LPP: variants seen among roughly 807,000 people sequenced by gnomAD.
LPP encodes lipoma-preferred partner.
In LPP, 38 loss-of-function variants were observed where a neutral mutation model predicts 60.4. That is an observed-to-expected ratio of 0.63 (90% CI 0.49 to 0.83). LPP has a LOEUF of 0.83. Among genes scored for constraint, LPP ranks in the 40% least tolerant of loss-of-function variants. LPP has a pLI of 0.00. For synonymous variants in LPP, 328 were observed against 290.8 expected (o/e 1.13, Z -1.30); for missense variants, 902 against 783.6 (o/e 1.15, Z -1.80).
At chr3:188,482,808 G>GTTA (rs1233437214) in intron 4 of LPP, among the ~76,000 whole-genome samples, 5 of 152,092 alleles carry the variant, frequency 3.3e-5, no homozygotes, top group African/African-American at 4.8e-5. Context: ...TATGTTGTAA[G>GTTA]TTATTGAACA....
At chr3:188,782,119 A>G (rs568575383) in intron 9 of LPP, among the ~76,000 whole-genome samples, 2 of 152,280 alleles carry the variant, frequency 1.3e-5, no homozygotes, top group East Asian at 3.9e-4. Context: ...TTGAAAGAGT[A>G]TCATAGTTAT....
At chr3:188,822,945 T>A (rs2151471838) in intron 9 of LPP, among the ~76,000 whole-genome samples, 1 of 152,274 alleles carries the variant, frequency 6.6e-6, no homozygotes, top group South Asian at 2.1e-4. Context: ...CAGAAAACTG[T>A]AAACTTTTTA....
At chr3:188,221,240 C>A (rs1000557494) in intron 1 of LPP, among the ~76,000 whole-genome samples, 3 of 152,174 alleles carry the variant, frequency 2.0e-5, no homozygotes, top group Non-Finnish European at 4.4e-5. Context: ...CCTCCTCATC[C>A]GTGGAAATCC....
chr3:188,830,477 G>A (rs1253801190), intron 9 of LPP, among the ~76,000 whole-genome samples: 2 of 151,786 alleles, frequency 1.3e-5, no homozygotes, highest in East Asian at 1.9e-4. Context: ...GTGGTGGCAC[G>A]TGACTGTAGT....
chr3:188,243,104 A>G (rs1305698487), intron 2 of LPP, among the ~76,000 whole-genome samples: 4 of 152,218 alleles, frequency 2.6e-5, no homozygotes, highest in Non-Finnish European at 4.4e-5. Flanking sequence ...TGATCAAACT[A>G]TAATTAATAT....
In LPP at chr3:188,572,254, T is replaced by C. The variant is rs1340087406; in HGVS notation, c.430-36907T>C. Reference sequence around the variant, plus strand: ...TATGGATAATTTTAAGCCATTTATTTCAACAAACATGTAATATATATTCTA... The same window carrying C: ...TATGGATAATTTTAAGCCATTTATTCCAACAAACATGTAATATATATTCTA... On this transcript the variant is annotated intron_variant, in intron 6 of 11. Coordinates refer to ENST00000617246, the MANE Select transcript of LPP (RefSeq NM_001375462.1). This position sits in a 1 kb window ranked among gnomAD's most constrained non-coding sequence, Gnocchi z 4.1. Among the ~76,000 whole-genome samples the C allele has an allele frequency of 7.2e-5, 11 of 152,118 alleles. No individual in the cohort carries two copies. In the East Asian group the frequency reaches 2.1e-3, roughly 29 times the overall value.
chr3:188,274,341 G>A lies in LPP; in HGVS notation c.-67+48814G>A, dbSNP rs74791447. On this transcript the variant is annotated intron_variant, in intron 2 of 11. Transcript: ENST00000617246. ...TTTATGCTTTCTTAACCACAAAGGG[G>A]ACCATAAAAGTCCTGTCAAATAGTC... Among the ~76,000 whole-genome samples, 18 of 152,284 alleles carry A rather than the reference G, an allele frequency of 1.2e-4. No individual in the cohort carries two copies. In the East Asian group the frequency reaches 3.3e-3, roughly 28 times the overall value.
chr3:188,204,133 T>A (rs1053408734), intron 1 of LPP, among the ~76,000 whole-genome samples: 16 of 152,166 alleles, frequency 1.1e-4, no homozygotes, highest in Admixed American at 3.3e-4. Context: ...AAAGAGGTTT[T>A]GCACTGAGAT....
At chr3:188,846,285 G>T (rs1259744369) in intron 9 of LPP, among the ~76,000 whole-genome samples, 1 of 152,182 alleles carries the variant, frequency 6.6e-6, no homozygotes, top group Non-Finnish European at 1.5e-5. Flanking sequence ...TTCAGGGAAG[G>T]CTTTGGAGAA....
chr3:188,649,042 C>T (rs1851606741), intron 7 of LPP, among the ~76,000 whole-genome samples: 1 of 152,182 alleles, frequency 6.6e-6, no homozygotes, highest in Non-Finnish European at 1.5e-5. Context: ...ACTGTGTTAT[C>T]TTGTCAAAGT....
intron 7 of LPP, among the ~76,000 whole-genome samples, chr3:188,675,655 A>G (rs1857898818): frequency 1.3e-5 from 2 of 152,320 alleles, no homozygotes; most frequent in Middle Eastern, 3.4e-3. Flanking sequence ...CAGGCCCCAA[A>G]TGTCCTTCTG....
Position 188,155,267 on chromosome 3 carries a change from A to G in LPP, c.-190+1015A>G, listed in dbSNP as rs1324189876. ...CCACTGCTTTCCCTCCCCCAACACA[A>G]AACAACTAGCGAGAACTCAGGGTCT... On this transcript the variant is annotated intron_variant, in intron 1 of 11. Transcript: ENST00000617246. Among the ~76,000 whole-genome samples, 9 of 152,186 alleles carry G rather than the reference A, an allele frequency of 5.9e-5. No homozygotes were observed. In the East Asian group the frequency reaches 1.7e-3, roughly 29 times the overall value.
At chr3:188,486,204 ATGGTTTGTTCTATTATT>A (rs1342512592) in intron 5 of LPP, among the ~76,000 whole-genome samples, 1 of 152,200 alleles carries the variant, frequency 6.6e-6, no homozygotes, top group Non-Finnish European at 1.5e-5. Context: ...AACTGCTTAA[ATGGTTTGTTCTATTATT>A]TGCCTTTCTT....
Position 188,882,098 on chromosome 3 carries a change from A to G in LPP, c.*7619A>G. Reference sequence around the variant, plus strand: ...CCCTAAGTAACTTTGATTCTGGCCAACTGTAATAAGATCCAACCACTTAAA... The same window carrying G: ...CCCTAAGTAACTTTGATTCTGGCCAGCTGTAATAAGATCCAACCACTTAAA... On this transcript the variant is annotated 3_prime_UTR_variant, in exon 12 of 12. Transcript: ENST00000617246. The G allele has an allele frequency of 4.8e-6, 1 of 210,274 alleles. No homozygotes were observed. Among genetic ancestry groups the G allele is most frequent in the East Asian group, 7.2e-5 (1 of 13,832 alleles). The allele number at this position is 210,274 out of a possible 1,614,324, so 13.0% of individuals were successfully genotyped here.
intron 3 of LPP, among the ~76,000 whole-genome samples, chr3:188,354,091 T>C (rs993670077): frequency 6.6e-6 from 1 of 152,212 alleles, no homozygotes; most frequent in Non-Finnish European, 1.5e-5. Flanking sequence ...ATGACATTCA[T>C]TATACTTTCC....
chr3:188,373,143 T>C (rs1773798679), intron 3 of LPP, among the ~76,000 whole-genome samples: 1 of 152,192 alleles, frequency 6.6e-6, no homozygotes, highest in Non-Finnish European at 1.5e-5. Flanking sequence ...TCTTTGCTAT[T>C]GTGAATAGTG....
chr3:188,506,866 C>T lies in LPP; in HGVS notation c.307-17799C>T, dbSNP rs576175939. ...AGGCTGGAGTGCAGTGGCGCAATCT[C>T]GGCTCACTGCAAGCTCCGCCTCCCG... On this transcript the variant is annotated intron_variant, in intron 5 of 11. Transcript: ENST00000617246. 1.4e-3 allele frequency among the ~76,000 whole-genome samples: 209 copies of T among 152,146 alleles called. 1 individual carries two copies. Among genetic ancestry groups the T allele is most frequent in the Non-Finnish European group, 2.5e-3 (171 of 68,006 alleles).
chr3:188,311,967 A>C (rs1227568651), intron 2 of LPP, among the ~76,000 whole-genome samples: 1 of 152,184 alleles, frequency 6.6e-6, no homozygotes, highest in Non-Finnish European at 1.5e-5. Context: ...AGAAACTAAA[A>C]ATTAATTTGA....
chr3:188,597,235 GA>G (rs1173975479), intron 6 of LPP, among the ~76,000 whole-genome samples: 1 of 152,122 alleles, frequency 6.6e-6, no homozygotes, highest in African/African-American at 2.4e-5. Context: ...GTTATGTGAG[GA>G]ATACTGTATG....
Sources: gnomAD v4.1 joint callset for allele counts (sites outside exome capture counted in the v4.1 genomes callset) on GRCh38, gnomAD v4.1.1 for gene constraint, Gnocchi (gnomAD v3.1) non-coding constraint, MANE v1.5 for transcripts, NCBI Gene and HGNC (gene_info 2026-07-23, HGNC 2026-07-21) for gene names.